JMJD1C: variants seen among roughly 807,000 people sequenced by gnomAD.
JMJD1C encodes jumonji domain-containing protein 1C.
In JMJD1C, 31 loss-of-function variants were observed where a neutral mutation model predicts 245.3. That is an observed-to-expected ratio of 0.13 (90% CI 0.09 to 0.17). JMJD1C has a LOEUF of 0.17. JMJD1C is among the 10% of genes least tolerant of loss of function. The probability of loss-of-function intolerance (pLI) is 1.00; values close to 1 mark genes in which losing one functional copy is unlikely to be tolerated. For missense variants in JMJD1C, 2,691 were observed against 3,000.2 expected, an observed-to-expected ratio of 0.90 and a Z score of 2.41; for synonymous variants, 1,057 against 1,017.4, an observed-to-expected ratio of 1.04 and a Z score of -0.74.
intron 18 of JMJD1C, among the ~76,000 whole-genome samples, chr10:63,187,058 G>A (rs1028198698): frequency 6.6e-6 from 1 of 151,874 alleles, no homozygotes; most frequent in Non-Finnish European, 1.5e-5. Flanking sequence ...GTGATTATTA[G>A]TATTCTTAAA....
rs35375607 is a variant in JMJD1C, at chr10:63,226,714, CAAAAAA to C, written c.448-6737_448-6732del. Among the ~76,000 whole-genome samples the C allele has an allele frequency of 1.8e-3, 152 of 84,934 alleles. 1 individual carries two copies. Among genetic ancestry groups the C allele is most frequent in the Middle Eastern group, 7.9e-3 (1 of 126 alleles). 55.7% of individuals were successfully genotyped at this position (84,934 alleles called of 152,430 possible). A position where few individuals can be genotyped will look rare whatever the true frequency, so the allele number is the denominator to read the frequency against. ...TGGGCGACAAAGCACAACCCTGTTT[CAAAAAA>C]AAAAAAAAAAAAAAAGAGAGAGAGA... On this transcript the variant is annotated intron_variant, in intron 3 of 25. Coordinates refer to ENST00000399262, the MANE Select transcript of JMJD1C (RefSeq NM_032776.3).
At chr10:63,200,304 A>C (rs944401283) in intron 11 of JMJD1C, among the ~76,000 whole-genome samples, 172 bp downstream of exon 11, 4 of 152,184 alleles carry the variant, frequency 2.6e-5, no homozygotes, top group Non-Finnish European at 4.4e-5. Flanking sequence ...TATAGTTAGA[A>C]ATTGTTAAAA....
chr10:63,355,132 T>C (rs1275473845), intron 2 of JMJD1C, among the ~76,000 whole-genome samples: 2 of 152,116 alleles, frequency 1.3e-5, no homozygotes, highest in African/African-American at 4.8e-5. Context: ...TCTCTCTCAC[T>C]TGTGCTGCCA....
intron 3 of JMJD1C, chr10:63,222,534 C>T: frequency 6.9e-7 from 1 of 1,441,356 alleles, no homozygotes; most frequent in Non-Finnish European, 9.7e-7. Context: ...CCCAAAGATA[C>T]TCAACTCAAA....
chr10:63,382,408 C>T (rs553189476), intron 1 of JMJD1C, among the ~76,000 whole-genome samples: 31 of 151,876 alleles, frequency 2.0e-4, no homozygotes, highest in Non-Finnish European at 3.5e-4. Context: ...CAACATATGA[C>T]GTTCAATTAA....
chr10:63,488,195 C>T (rs1239861466), intron 1 of JMJD1C, among the ~76,000 whole-genome samples: 4 of 152,154 alleles, frequency 2.6e-5, no homozygotes, highest in Admixed American at 6.5e-5. Context: ...TTTATAGTCA[C>T]GGCATAGATT....
chr10:63,465,769 G>A lies in JMJD1C; in HGVS notation c.-107C>T. The A allele has an allele frequency of 7.4e-7, 1 of 1,349,914 alleles. No individual in the cohort carries two copies. Among genetic ancestry groups the A allele is most frequent in the Non-Finnish European group, 1.0e-6 (1 of 968,292 alleles). 83.6% of individuals were successfully genotyped at this position (1,349,914 alleles called of 1,614,324 possible). ...GAGGAGAGCGGACCGGGACACAGCAGCGGACCCGAAAGAGCGCAGACTCGG... is the reference window on the plus strand; with the variant it reads ...GAGGAGAGCGGACCGGGACACAGCAACGGACCCGAAAGAGCGCAGACTCGG... On this transcript the variant is annotated 5_prime_UTR_variant, in exon 1 of 26. Coordinates refer to ENST00000399262, the MANE Select transcript of JMJD1C (RefSeq NM_032776.3).
At chr10:63,413,410 G>C (rs1949603668) in intron 1 of JMJD1C, among the ~76,000 whole-genome samples, 1 of 152,082 alleles carries the variant, frequency 6.6e-6, no homozygotes, top group Non-Finnish European at 1.5e-5. Flanking sequence ...ACATATTATA[G>C]TTTAATATGT....
chr10:63,350,286 GTTTATGTTT>G lies in JMJD1C; in HGVS notation c.333+30023_333+30031del, dbSNP rs578073771. On this transcript the variant is annotated intron_variant, in intron 2 of 25. Transcript: ENST00000399262. Reference sequence around the variant, plus strand: ...AATATCATTAGATACATACTAAAGGGTTTATGTTTTTTCAGATTTTTAAAATCCTTACCT... The same window carrying G: ...AATATCATTAGATACATACTAAAGGGTTTCAGATTTTTAAAATCCTTACCT... Among the ~76,000 whole-genome samples the G allele has an allele frequency of 1.6e-3, 244 of 152,106 alleles. 1 individual carries two copies. The Middle Eastern group carries it at 0.017, about 11-fold the overall frequency.
intron 3 of JMJD1C, among the ~76,000 whole-genome samples, chr10:63,243,510 G>C (rs962337155): frequency 6.6e-6 from 1 of 152,082 alleles, no homozygotes; most frequent in African/African-American, 2.4e-5. Flanking sequence ...TGGGCAAGAA[G>C]AGCAAAATTC....
At chr10:63,275,559 T>C (rs1176415677) in intron 2 of JMJD1C, among the ~76,000 whole-genome samples, 2 of 152,100 alleles carry the variant, frequency 1.3e-5, no homozygotes, top group Non-Finnish European at 2.9e-5. Context: ...ACACCAATAT[T>C]TGGAAGAAAG....
At chr10:63,282,953 T>C (rs1348603443) in intron 2 of JMJD1C, among the ~76,000 whole-genome samples, 2 of 152,200 alleles carry the variant, frequency 1.3e-5, no homozygotes, top group Non-Finnish European at 2.9e-5. Context: ...CCTGACCTTG[T>C]GATCTGCCTG....
intron 1 of JMJD1C, among the ~76,000 whole-genome samples, chr10:63,404,035 A>G (rs1302112526): frequency 1.3e-5 from 2 of 152,144 alleles, no homozygotes; most frequent in Non-Finnish European, 2.9e-5. Flanking sequence ...GAATCGCTGT[A>G]GCTCAGGAGG....
chr10:63,349,367 TTA>T (rs1944143065), intron 2 of JMJD1C, among the ~76,000 whole-genome samples: 1 of 152,344 alleles, frequency 6.6e-6, no homozygotes, highest in East Asian at 1.9e-4. Flanking sequence ...CAAAAGTCTG[TTA>T]ACAGAAGTTA....
intron 11 of JMJD1C, among the ~76,000 whole-genome samples, chr10:63,199,438 CA>C: frequency 6.6e-6 from 1 of 152,106 alleles, no homozygotes; most frequent in South Asian, 2.1e-4. Flanking sequence ...ATATGAACAG[CA>C]ACATTTCTTT....
chr10:63,248,550 A>ATAAATAAATAAC (rs1852592127), intron 3 of JMJD1C, among the ~76,000 whole-genome samples: 2 of 151,700 alleles, frequency 1.3e-5, no homozygotes, highest in African/African-American at 4.8e-5. Context: ...AAATAAATAA[A>ATAAATAAATAAC]TAAATAAATA....
intron 17 of JMJD1C, 86 bp downstream of exon 17, chr10:63,190,808 A>G (rs943246230): frequency 1.1e-6 from 1 of 936,806 alleles, no homozygotes; most frequent in South Asian, 1.3e-5. Context: ...TCATCAGCAT[A>G]CTGGGTAGTT....
chr10:63,407,368 C>T (rs1949230670), intron 1 of JMJD1C, among the ~76,000 whole-genome samples: 1 of 152,170 alleles, frequency 6.6e-6, no homozygotes, highest in African/African-American at 2.4e-5. Flanking sequence ...CTAGACCCTC[C>T]TTTCATCCTC....
intron 3 of JMJD1C, among the ~76,000 whole-genome samples, chr10:63,221,270 G>A (rs1848570996): frequency 6.6e-6 from 1 of 152,112 alleles, no homozygotes; most frequent in Non-Finnish European, 1.5e-5. Flanking sequence ...AATCAAGTAG[G>A]TCATACTTCA....
Sources: allele counts gnomAD v4.1 joint callset (sites outside exome capture counted in the v4.1 genomes callset), GRCh38; gene constraint gnomAD v4.1.1; transcripts MANE v1.5; gene names NCBI Gene and HGNC (gene_info 2026-07-23, HGNC 2026-07-21).